The following CCSER1 variants were observed in gnomAD, a reference collection of about 807,000 sequenced individuals.
The protein encoded by CCSER1 is coiled-coil serine rich protein 1.
Under a neutral mutation model 82.0 loss-of-function variants are expected in CCSER1, and 41 were observed. That is an observed-to-expected ratio of 0.50 (90% confidence interval 0.39 to 0.65). The LOEUF (loss-of-function observed/expected upper bound fraction) is 0.65, where lower values mean the gene tolerates loss of function less well. Among genes scored for constraint, CCSER1 ranks in the 30% least tolerant of loss-of-function variants. The probability of loss-of-function intolerance (pLI) is 0.00; values close to 1 mark genes in which losing one functional copy is unlikely to be tolerated. For missense variants in CCSER1, 1,119 were observed against 1,064.2 expected (o/e 1.05, Z -0.72); for synonymous variants, 414 against 383.9 (o/e 1.08, Z -0.92).
At chr4:90,482,247 T>A (rs113159652) in intron 5 of CCSER1, among the ~76,000 whole-genome samples, 2,144 of 152,298 alleles carry the variant, frequency 0.014, 18 homozygotes, top group Middle Eastern at 0.024. Flanking sequence ...TTGCATCTAT[T>A]TGATTCTTCT....
At chr4:91,453,251 T>G (rs922692194) in intron 10 of CCSER1, among the ~76,000 whole-genome samples, 4 of 152,056 alleles carry the variant, frequency 2.6e-5, no homozygotes, top group Non-Finnish European at 5.9e-5. Context: ...GAAATTAGTG[T>G]TCTGCAAATT....
chr4:90,292,785 C>T (rs186213998), intron 1 of CCSER1, among the ~76,000 whole-genome samples: 2 of 151,862 alleles, frequency 1.3e-5, no homozygotes, highest in Non-Finnish European at 2.9e-5. Flanking sequence ...TGAACTAGAA[C>T]ATGCACTGAA....
Position 90,946,434 on chromosome 4 carries a change from C to T in CCSER1, c.2172+22987C>T, listed in dbSNP as rs917500613. Among the ~76,000 whole-genome samples, 7 of 152,166 alleles carry T rather than the reference C, an allele frequency of 4.6e-5. No individual in the cohort carries two copies. The East Asian group carries it at 5.8e-4, about 13-fold the overall frequency. On this transcript the variant is annotated intron_variant, in intron 9 of 10. Transcript: ENST00000509176. ...TCACTCGAGATTAGGAGTTCGAGAC[C>T]GGCCTGGCCAACGTGGTGAAAACTT...
At chr4:91,076,190 ATACTGC>A (rs2148783992) in intron 9 of CCSER1, among the ~76,000 whole-genome samples, 1 of 152,238 alleles carries the variant, frequency 6.6e-6, no homozygotes, top group South Asian at 2.1e-4. Context: ...GTCATCAGAT[ATACTGC>A]TTCAGGTTTT....
chr4:91,153,330 G>A (rs1030991972), intron 10 of CCSER1, among the ~76,000 whole-genome samples: 4 of 151,922 alleles, frequency 2.6e-5, no homozygotes, highest in East Asian at 1.9e-4. Flanking sequence ...CATGCATCAC[G>A]TAGTTCTCAT....
intron 5 of CCSER1, among the ~76,000 whole-genome samples, chr4:90,621,043 G>A (rs910083197): frequency 2.6e-5 from 4 of 152,022 alleles, no homozygotes; most frequent in Admixed American, 2.0e-4. Context: ...GGTCTTGAAC[G>A]TCTGACCTCA....
At chr4:90,606,329 A>G (rs1701129306) in intron 5 of CCSER1, among the ~76,000 whole-genome samples, 1 of 152,186 alleles carries the variant, frequency 6.6e-6, no homozygotes, top group African/African-American at 2.4e-5. Flanking sequence ...ATAGACTACT[A>G]CACACCTACA....
At chr4:90,399,803 A>G (rs1420012463) in intron 3 of CCSER1, among the ~76,000 whole-genome samples, 1 of 152,120 alleles carries the variant, frequency 6.6e-6, no homozygotes, top group Non-Finnish European at 1.5e-5. Context: ...TAAAAAAGAA[A>G]AAAAATGAAT....
chr4:90,139,591 T>G (rs1367813818), intron 1 of CCSER1, among the ~76,000 whole-genome samples: 1 of 152,170 alleles, frequency 6.6e-6, no homozygotes, highest in East Asian at 1.9e-4. Context: ...TCTTGGTAAT[T>G]TTTTTCCTTG....
chr4:91,310,564 G>T (rs967495066), intron 10 of CCSER1, among the ~76,000 whole-genome samples: 2 of 151,710 alleles, frequency 1.3e-5, no homozygotes, highest in African/African-American at 4.8e-5. Context: ...TTCTAGCTCT[G>T]GTCTATCTCA....
intron 9 of CCSER1, among the ~76,000 whole-genome samples, chr4:91,037,609 G>A (rs1014501707): frequency 3.3e-5 from 5 of 151,648 alleles, no homozygotes; most frequent in Admixed American, 6.6e-5. Flanking sequence ...TTCCTACTTT[G>A]TAATTCCCCT....
chr4:90,701,099 G>C (rs1453218461), intron 6 of CCSER1, among the ~76,000 whole-genome samples: 1 of 152,162 alleles, frequency 6.6e-6, no homozygotes, highest in Non-Finnish European at 1.5e-5. Context: ...TTTTCTTCTA[G>C]GGTTTTTATG....
chr4:90,803,603 G>A (rs1757117140), intron 7 of CCSER1, among the ~76,000 whole-genome samples: 1 of 152,090 alleles, frequency 6.6e-6, no homozygotes, highest in African/African-American at 2.4e-5. Flanking sequence ...TCTTTATCCA[G>A]TCTGTTATTG....
At chr4:91,435,273 C>T (rs990087501) in intron 10 of CCSER1, among the ~76,000 whole-genome samples, 1 of 151,970 alleles carries the variant, frequency 6.6e-6, no homozygotes, top group Non-Finnish European at 1.5e-5. Flanking sequence ...AACTCTGTCT[C>T]TACAAAAAAT....
intron 7 of CCSER1, among the ~76,000 whole-genome samples, chr4:90,769,908 G>A (rs1751816312): frequency 6.6e-6 from 1 of 152,118 alleles, no homozygotes; most frequent in Non-Finnish European, 1.5e-5. Flanking sequence ...CCTACCACCT[G>A]GTATTCAGGC....
chr4:90,848,615 C>T (rs553652220), intron 8 of CCSER1, among the ~76,000 whole-genome samples: 18 of 152,264 alleles, frequency 1.2e-4, no homozygotes, highest in South Asian at 4.1e-4. Flanking sequence ...TAACTCCCTG[C>T]GGAAGACCTA....
chr4:90,653,881 A>C (rs1415914747), intron 6 of CCSER1, among the ~76,000 whole-genome samples: 2 of 152,218 alleles, frequency 1.3e-5, no homozygotes, highest in African/African-American at 2.4e-5. Flanking sequence ...TAATTGACTC[A>C]GTTCCACAGA....
At chr4:90,837,125 A>T (rs1353222434) in intron 8 of CCSER1, among the ~76,000 whole-genome samples, 4 of 152,232 alleles carry the variant, frequency 2.6e-5, no homozygotes, top group Non-Finnish European at 5.9e-5. Context: ...GAAAAACAGT[A>T]TTATAGATGA....
At chr4:90,850,673 C>T (rs1478667303) in intron 8 of CCSER1, among the ~76,000 whole-genome samples, 1 of 152,210 alleles carries the variant, frequency 6.6e-6, no homozygotes, top group Non-Finnish European at 1.5e-5. Flanking sequence ...AATTCCTGTA[C>T]CCCCACTGTA....
Sources: allele counts gnomAD v4.1 joint callset (sites outside exome capture counted in the v4.1 genomes callset), GRCh38; gene constraint gnomAD v4.1.1; transcripts MANE v1.5; gene names NCBI Gene and HGNC (gene_info 2026-07-23, HGNC 2026-07-21).